The following ACAD10 variants were observed in gnomAD, a reference collection of about 807,000 sequenced individuals.
The protein encoded by ACAD10 is ACAD-10.
Under a neutral mutation model 116.8 loss-of-function variants are expected in ACAD10, and 112 were observed. The ratio of observed to expected loss-of-function variants is 0.96; its 90% CI spans 0.82 to 1.12. ACAD10 has a LOEUF of 1.12. Among genes scored for constraint, ACAD10 ranks in the 50% most tolerant of loss-of-function variants. The probability of loss-of-function intolerance (pLI) is 0.00; values close to 1 mark genes in which losing one functional copy is unlikely to be tolerated. For missense variants in ACAD10, 1,259 were observed against 1,350.2 expected, an observed-to-expected ratio of 0.93 and a Z score of 1.06; for synonymous variants, 486 against 510.6, an observed-to-expected ratio of 0.95 and a Z score of 0.65.
chr12:111,748,932 T>C, intron 17 of ACAD10: 2 of 1,354,926 alleles, frequency 1.5e-6, no homozygotes, highest in Non-Finnish European at 2.1e-6. Context: ...TAAGGTGGCA[T>C]TATTATGTTT....
chr12:111,715,924 A>G lies in ACAD10; in HGVS notation c.954A>G (p.Thr318=), dbSNP rs1208050279. 2 of 1,613,708 alleles carry G rather than the reference A, an allele frequency of 1.2e-6. No individual in the cohort carries two copies. The highest frequency in any genetic ancestry group is 1.3e-5 in the African/African-American group (1 of 74,820). Residue 318 remains threonine (T), a synonymous_variant, in exon 7 of 21, where the codon ACA becomes ACG. Transcript: ENST00000313698. The stretch of plus-strand genomic sequence containing the variant: ...TTCTGAGGAAGAAGCCCCCAGGGAC[A>G]CTCCTTCCATCTGCCCATGCCATAG... ...DLVLRKKPPG[T]LLPSAHAIER... is the part of the protein sequence containing the mutation.
At chr12:111,722,977 C>A (rs1321933175) in intron 8 of ACAD10, among the ~76,000 whole-genome samples, 2 of 151,336 alleles carry the variant, frequency 1.3e-5, no homozygotes, top group African/African-American at 4.8e-5. Flanking sequence ...CAGAGGCGCC[C>A]CTCACCTCCC....
Position 111,728,986 on chromosome 12 carries a change from G to A in ACAD10, c.1244-820G>A, listed in dbSNP as rs201821441. ...ATGAGCCTCTGCAGCCAGCCCTCAT[G>A]TAGTTCTTACCACATGCCAAGAATA... On this transcript the variant is annotated intron_variant, in intron 9 of 20. Coordinates refer to ENST00000313698, the MANE Select transcript of ACAD10 (RefSeq NM_025247.6). Among the ~76,000 whole-genome samples, 13 of 152,206 alleles carry A rather than the reference G, an allele frequency of 8.5e-5. No homozygotes were observed. The East Asian group carries it at 1.5e-3, about 18-fold the overall frequency.
At chr12:111,696,662 T>G (rs1259821612) in intron 2 of ACAD10, among the ~76,000 whole-genome samples, 1 of 152,224 alleles carries the variant, frequency 6.6e-6, no homozygotes, top group Non-Finnish European at 1.5e-5. Flanking sequence ...GCTGTTAGTT[T>G]ACTATAAAAT....
intron 3 of ACAD10, 100 bp from the exon 4 acceptor site, chr12:111,705,638 G>A: frequency 9.1e-7 from 1 of 1,097,920 alleles, no homozygotes. Flanking sequence ...GTAGCAGAGA[G>A]CAGAAGGACG....
In ACAD10 at chr12:111,733,787, C is replaced by T. The variant is rs1593043858; in HGVS notation, c.1395-136C>T. ...AAGGGAGCCTTTGGAGCACACAGCC[C>T]AGGGAGCTCAGGCACCCGGGCACAG... is the stretch of plus-strand genomic sequence containing the variant. On this transcript the variant is annotated intron_variant, in intron 10 of 20. Coordinates refer to ENST00000313698, the MANE Select transcript of ACAD10 (RefSeq NM_025247.6). 4 of 1,055,224 alleles carry T rather than the reference C, an allele frequency of 3.8e-6. No individual in the cohort carries two copies. The East Asian group carries it at 9.7e-5, about 26-fold the overall frequency. 65.4% of individuals were successfully genotyped at this position (1,055,224 alleles called of 1,614,324 possible).
chr12:111,717,602 A>G (rs955514979), intron 7 of ACAD10, among the ~76,000 whole-genome samples: 1 of 149,638 alleles, frequency 6.7e-6, no homozygotes, highest in Non-Finnish European at 1.5e-5. Flanking sequence ...GAGTGTCACT[A>G]TTGTCCAGGC....
chr12:111,735,998 G>T (rs1472786067), intron 11 of ACAD10, among the ~76,000 whole-genome samples: 1 of 151,724 alleles, frequency 6.6e-6, no homozygotes, highest in Non-Finnish European at 1.5e-5. Context: ...TCCGGCCTCG[G>T]CCTCCTGAGT....
At chr12:111,749,558 AC>A (rs1177083158) in intron 18 of ACAD10, 1 of 632,802 alleles carries the variant, frequency 1.6e-6, no homozygotes, top group Non-Finnish European at 2.7e-6. Context: ...TGTCGAGGTG[AC>A]CTGAAGGGAA....
chr12:111,702,230 G>A lies in ACAD10; in HGVS notation c.256G>A (p.Gly86Arg). 1 of 1,614,124 alleles carries A rather than the reference G, an allele frequency of 6.2e-7. No homozygotes were observed. Among genetic ancestry groups the A allele is most frequent in the South Asian group, 1.1e-5 (1 of 91,084 alleles). The change falls in exon 3 of 21, where the codon GGG (glycine) becomes AGG (arginine). Residue 86 changes from glycine (G) to arginine (R), a missense_variant. By Grantham distance (125) the Gly-to-Arg change is moderately radical. Transcript: ENST00000313698. ...LKALMEGGEN[G>R]PWMRFMRAEI... ...GGCCTTGATGGAAGGTGGTGAAAAT[G>A]GGCCCTGGATGAGATTTATGAGAGC...
intron 7 of ACAD10, among the ~76,000 whole-genome samples, chr12:111,716,430 T>C (rs2135961517): frequency 6.6e-6 from 1 of 152,316 alleles, no homozygotes. Flanking sequence ...TGATACAATT[T>C]ATTAAAAGCC....
rs1172800779 is a variant in ACAD10 at position 111,749,208 on chromosome 12, G to A, written c.2680G>A (p.Val894Met). 2 of 1,613,798 alleles carry A rather than the reference G, an allele frequency of 1.2e-6. No homozygotes were observed. Among genetic ancestry groups the A allele is most frequent in the Non-Finnish European group, 8.5e-7 (1 of 1,179,872 alleles). ...TGAAGTCCGATTTGAGCACGTGCGT[G>A]TGCCCAAAGAGAACATGGTCCTGGG... is the stretch of plus-strand genomic sequence containing the variant. ...HGEVRFEHVR[V>M]PKENMVLGPG... Residue 894 changes from valine (V) to methionine (M), a missense_variant, in exon 18 of 21, where the codon GTG becomes ATG. Val to Met is a conservative substitution (Grantham distance 21, BLOSUM62 1). Transcript: ENST00000313698.
chr12:111,727,841 C>T, intron 8 of ACAD10, 121 bp from the exon 9 acceptor site: 1 of 985,230 alleles, frequency 1.0e-6, no homozygotes, highest in Non-Finnish European at 1.5e-6. Flanking sequence ...TGCTCTGGGT[C>T]TGAACTCTTC....
rs371322419 is a variant in ACAD10 at position 111,692,786 on chromosome 12, G to T, written c.77G>T (p.Arg26Leu). 4.3e-6 allele frequency: 7 copies of T among 1,614,190 alleles called. No homozygotes were observed. In the East Asian group the frequency reaches 1.3e-4, roughly 31 times the overall value. The change falls in exon 2 of 21, where the codon CGC becomes CTC. Residue 26 changes from arginine to leucine, a missense_variant. Physicochemically the swap from Arg to Leu is moderately radical, Grantham distance 102. Coordinates refer to ENST00000313698, the MANE Select transcript of ACAD10 (RefSeq NM_025247.6). ...ACAGCCTTCCTGAAACACACCCAGC[G>T]CAGGCACCAGGGGTCCCACCGATGG... ...WRTAFLKHTQ[R>L]RHQGSHRWTH... is the part of the protein sequence containing the mutation.
In ACAD10 at chr12:111,753,747, A is replaced by G. The variant is rs779450022; in HGVS notation, c.2818-25A>G. ...GCCACCCCCAGCCCAGCATGTCCTC[A>G]GCCGCACATCTCCTGTGTCGACAGG... On this transcript the variant is annotated intron_variant, in intron 18 of 20. Transcript: ENST00000313698. 130 of 1,613,558 alleles carry G rather than the reference A, an allele frequency of 8.1e-5. 1 individual carries two copies. The South Asian group carries it at 1.4e-3, about 17-fold the overall frequency.
Position 111,727,973 on chromosome 12 carries a change from C to G in ACAD10, c.1073C>G (p.Thr358Ser), listed in dbSNP as rs754474740. 4 of 1,609,292 alleles carry G rather than the reference C, an allele frequency of 2.5e-6. No individual in the cohort carries two copies. In the Admixed American group the frequency reaches 6.8e-5, roughly 27 times the overall value. The part of the protein sequence containing the change: ...DLCEDSSVIG[T>S]PFYVMEYCPG... The stretch of plus-strand genomic sequence containing the variant: ...TGTGTTCCTCCCAGTGTCATTGGCA[C>G]CCCCTTCTATGTGATGGAGTACTGC... Residue 358 changes from threonine to serine, a missense_variant, in exon 9 of 21, where the codon ACC (threonine) becomes AGC (serine). By Grantham distance (58) the Thr-to-Ser change is moderately conservative. Coordinates refer to ENST00000313698, the MANE Select transcript of ACAD10 (RefSeq NM_025247.6).
At chr12:111,706,210 T>C (rs1221936762) in intron 4 of ACAD10, among the ~76,000 whole-genome samples, 3 of 152,226 alleles carry the variant, frequency 2.0e-5, no homozygotes, top group African/African-American at 7.2e-5. Context: ...CAAGCATCTC[T>C]GTCAGCCCTC....
chr12:111,702,332 A>T, intron 3 of ACAD10, 22 bp downstream of exon 3: 3 of 1,605,466 alleles, frequency 1.9e-6, no homozygotes, highest in Non-Finnish European at 2.5e-6. Flanking sequence ...ACATACCTAC[A>T]TTTCCATATT....
intron 14 of ACAD10, among the ~76,000 whole-genome samples, chr12:111,746,720 C>G (rs1889910768): frequency 6.6e-6 from 1 of 151,718 alleles, no homozygotes; most frequent in Admixed American, 6.6e-5. Flanking sequence ...TGTGAGAAGG[C>G]CAGGCATGGT....
Sources: allele counts gnomAD v4.1 joint callset (sites outside exome capture counted in the v4.1 genomes callset), GRCh38; gene constraint gnomAD v4.1.1; transcripts MANE v1.5; gene names NCBI Gene and HGNC (gene_info 2026-07-23, HGNC 2026-07-21).